The following UGT1A5 variants were observed in gnomAD, a reference collection of about 807,000 sequenced individuals.
The protein encoded by UGT1A5 is UDP glucuronosyltransferase family 1 member A5.
In UGT1A5, 29 loss-of-function variants were observed where a neutral mutation model predicts 40.3. The ratio of observed to expected loss-of-function variants is 0.72; its 90% CI spans 0.54 to 0.98. The LOEUF (loss-of-function observed/expected upper bound fraction) is 0.98. Among genes scored for constraint, UGT1A5 ranks in the 50% least tolerant of loss-of-function variants. UGT1A5 has a pLI of 0.00. For missense variants in UGT1A5, 678 were observed against 677.9 expected (o/e 1.00, Z 0.00); for synonymous variants, 257 against 262.5 (o/e 0.98, Z 0.20).
intron 1 of UGT1A5, among the ~76,000 whole-genome samples, chr2:233,750,335 T>C (rs1295665958): frequency 6.6e-6 from 1 of 151,930 alleles, no homozygotes; most frequent in Non-Finnish European, 1.5e-5. Context: ...TTCAGAGAGA[T>C]GATCTGAAAT....
intron 1 of UGT1A5, among the ~76,000 whole-genome samples, chr2:233,720,042 G>T (rs1048137470): frequency 2.0e-5 from 3 of 152,186 alleles, no homozygotes; most frequent in African/African-American, 7.2e-5. Flanking sequence ...CTGATTTTCA[G>T]CTGAACGGTG....
intron 1 of UGT1A5, chr2:233,747,664 T>C (rs942017762): frequency 1.4e-5 from 23 of 1,600,812 alleles, no homozygotes; most frequent in South Asian, 1.4e-4. Flanking sequence ...GTGGTTTTAA[T>C]AGACCCAATT....
chr2:233,736,085 G>C (rs1296774053), intron 1 of UGT1A5, among the ~76,000 whole-genome samples: 1 of 152,146 alleles, frequency 6.6e-6, no homozygotes, highest in African/African-American at 2.4e-5. Flanking sequence ...AGTTCTCCTG[G>C]ATAATATCCT....
intron 1 of UGT1A5, chr2:233,748,062 A>T: frequency 6.2e-7 from 1 of 1,613,436 alleles, no homozygotes; most frequent in South Asian, 1.1e-5. Context: ...CTGTGCCAAC[A>T]GGAAGCCACT....
intron 1 of UGT1A5, chr2:233,747,953 T>A (rs1693820704): frequency 6.2e-7 from 1 of 1,613,400 alleles, no homozygotes; most frequent in Admixed American, 1.7e-5. Flanking sequence ...CAGTGGTGGA[T>A]CTTCTCAGCC....
At position 233,721,294 on chromosome 2, in the gene UGT1A5, T is replaced by C. The variant is rs555243942; in HGVS notation, c.867+7436T>C. On this transcript the variant is annotated intron_variant, in intron 1 of 4. Coordinates refer to ENST00000373414, the MANE Select transcript of UGT1A5 (RefSeq NM_019078.2). ...AAAAATGTGGAAAATTAGGAAGGCATTTGAATAGTGATTGTGGCTCTTTTC... is the reference window on the plus strand; with the variant it reads ...AAAAATGTGGAAAATTAGGAAGGCACTTGAATAGTGATTGTGGCTCTTTTC... Among the ~76,000 whole-genome samples, 3 of 152,308 alleles carry C rather than the reference T, an allele frequency of 2.0e-5. No homozygotes were observed. In the East Asian group the frequency reaches 5.8e-4, roughly 29 times the overall value.
intron 1 of UGT1A5, among the ~76,000 whole-genome samples, chr2:233,765,985 G>A (rs1019803782): frequency 1.3e-5 from 2 of 152,120 alleles, no homozygotes; most frequent in Admixed American, 6.5e-5. Flanking sequence ...TACAGCTCCT[G>A]AAGCTCCAGT....
At chr2:233,717,630 C>T (rs1290579754) in intron 1 of UGT1A5, among the ~76,000 whole-genome samples, 1 of 152,248 alleles carries the variant, frequency 6.6e-6, no homozygotes, top group Non-Finnish European at 1.5e-5. Flanking sequence ...CTGCCCACCT[C>T]ATCCTGGGGC....
At chr2:233,733,743 C>T (rs1444086929) in intron 1 of UGT1A5, among the ~76,000 whole-genome samples, 1 of 152,214 alleles carries the variant, frequency 6.6e-6, no homozygotes, top group Non-Finnish European at 1.5e-5. Context: ...CGATGTTCAT[C>T]AGGGATATTT....
At chr2:233,743,679 C>G (rs773832305) in intron 1 of UGT1A5, 3 of 1,367,098 alleles carry the variant, frequency 2.2e-6, no homozygotes, top group African/African-American at 3.0e-5. Context: ...AAGGGCCTGC[C>G]GCCTGTGCAG....
At chr2:233,757,592 A>C (rs1473098427) in intron 1 of UGT1A5, among the ~76,000 whole-genome samples, 1 of 143,702 alleles carries the variant, frequency 7.0e-6, no homozygotes, top group Non-Finnish European at 1.5e-5. Context: ...GTCTAATAGC[A>C]AGGACAGATA....
chr2:233,713,925 T>C, intron 1 of UGT1A5, 67 bp downstream of exon 1: 1 of 1,612,092 alleles, frequency 6.2e-7, no homozygotes, highest in South Asian at 1.1e-5. Flanking sequence ...TGTATTTACT[T>C]ACAAGTGCTT....
intron 1 of UGT1A5, chr2:233,750,763 G>T (rs1694554656): frequency 6.6e-6 from 1 of 152,010 alleles, no homozygotes; most frequent in East Asian, 1.9e-4. Context: ...CATCGATGTG[G>T]TGTTGGGCCT....
intron 1 of UGT1A5, among the ~76,000 whole-genome samples, chr2:233,737,149 C>G (rs2125805846): frequency 6.6e-6 from 1 of 152,368 alleles, no homozygotes; most frequent in South Asian, 2.1e-4. Flanking sequence ...TTCAGATATG[C>G]CCTGCCCACA....
rs1377553031 is a variant in UGT1A5 at position 233,755,239 on chromosome 2, G to C, written c.868-11795G>C. 12 of 885,954 alleles carry C rather than the reference G, an allele frequency of 1.4e-5. No individual in the cohort carries two copies. The South Asian group carries it at 1.5e-4, about 11-fold the overall frequency. The allele number at this position is 885,954 out of a possible 1,614,324, so 54.9% of individuals were successfully genotyped here. A position where few individuals can be genotyped will look rare whatever the true frequency, so the allele number is the denominator to read the frequency against. On this transcript the variant is annotated intron_variant, in intron 1 of 4. Transcript: ENST00000373414. ...ATACCCTCGGACGAGGCCTACCGGG[G>C]TACTCCCAGCACCTCGTAGTAGTCC...
intron 1 of UGT1A5, chr2:233,754,418 A>T: frequency 2.9e-6 from 1 of 342,598 alleles, no homozygotes; most frequent in Non-Finnish European, 5.7e-6. Context: ...CAATAAAGAC[A>T]GGCATTGGCA....
At chr2:233,760,273 A>C in intron 1 of UGT1A5, 3 of 1,612,532 alleles carry the variant, frequency 1.9e-6, no homozygotes, top group Non-Finnish European at 1.7e-6. Flanking sequence ...AACCTCTGGC[A>C]GGAGCAAAGG....
chr2:233,720,732 G>A (rs1210720927), intron 1 of UGT1A5, among the ~76,000 whole-genome samples: 3 of 146,212 alleles, frequency 2.1e-5, no homozygotes, highest in African/African-American at 7.6e-5. Context: ...TTGAGACTGA[G>A]CCTCGTTCTG....
chr2:233,752,703 T>C (rs538720487), intron 1 of UGT1A5, among the ~76,000 whole-genome samples: 5 of 152,298 alleles, frequency 3.3e-5, no homozygotes, highest in African/African-American at 7.2e-5. Context: ...TAGTGGGGTA[T>C]GATCTTGCCT....
Sources: gnomAD v4.1 joint callset for allele counts (sites outside exome capture counted in the v4.1 genomes callset) on GRCh38, gnomAD v4.1.1 for gene constraint, MANE v1.5 for transcripts, NCBI Gene and HGNC (gene_info 2026-07-23, HGNC 2026-07-21) for gene names.